Variants in MAF observed in about 807,000 individuals in gnomAD.
MAF encodes MAF bZIP transcription factor, also known as transcription factor Maf.
A neutral mutation model predicts 22.0 loss-of-function variants in MAF; 10 were observed. The observed-to-expected ratio is 0.45, with a 90% CI of 0.28 to 0.77. MAF has a LOEUF of 0.77. MAF is among the 30% of genes least tolerant of loss of function. The pLI is 0.12. For missense variants in MAF, 544 were observed against 548.4 expected, an observed-to-expected ratio of 0.99 and a Z score of 0.08; for synonymous variants, 337 against 255.8, an observed-to-expected ratio of 1.32 and a Z score of -3.03.
the MAF span, among the ~76,000 whole-genome samples, chr16:79,300,811 T>A: frequency 1.3e-5 from 2 of 152,118 alleles, no homozygotes; most frequent in East Asian, 1.9e-4. Flanking sequence ...TCAGTTTTTT[T>A]ATTGTTTTTA....
the MAF span, among the ~76,000 whole-genome samples, chr16:79,535,221 A>G: frequency 7.9e-5 from 12 of 152,272 alleles, no homozygotes; most frequent in Non-Finnish European, 1.8e-4. Context: ...CCCTAGAGAC[A>G]GATGTAGACA....
chr16:79,319,890 G>T, the MAF span, among the ~76,000 whole-genome samples: 1 of 152,206 alleles, frequency 6.6e-6, no homozygotes, highest in Non-Finnish European at 1.5e-5. Flanking sequence ...GCGACTGTTT[G>T]ATCAGGATGG....
chr16:79,509,215 C>A, the MAF span, among the ~76,000 whole-genome samples: 33 of 152,258 alleles, frequency 2.2e-4, no homozygotes, highest in African/African-American at 7.9e-4. Flanking sequence ...GCATTCTAAG[C>A]AGAAGCAGAA....
the MAF span, among the ~76,000 whole-genome samples, chr16:79,425,302 T>C: frequency 6.6e-6 from 1 of 152,194 alleles, no homozygotes; most frequent in African/African-American, 2.4e-5. Context: ...ATGTCTTTTT[T>C]TTATTTTTAA....
chr16:79,394,585 T>A, the MAF span, among the ~76,000 whole-genome samples: 4 of 152,212 alleles, frequency 2.6e-5, no homozygotes, highest in African/African-American at 9.7e-5. Flanking sequence ...GTTCAGTCCC[T>A]CATCTTTAAA....
the MAF span, among the ~76,000 whole-genome samples, chr16:79,403,610 C>A: frequency 6.6e-6 from 1 of 152,178 alleles, no homozygotes; most frequent in African/African-American, 2.4e-5. Flanking sequence ...AGGGGCCTTG[C>A]CTGACCCACG....
chr16:79,389,752 G>A, the MAF span, among the ~76,000 whole-genome samples: 3 of 151,900 alleles, frequency 2.0e-5, no homozygotes, highest in East Asian at 1.9e-4. Context: ...CGACGCGGGC[G>A]GATCACGAGG....
the MAF span, among the ~76,000 whole-genome samples, chr16:79,557,365 A>G: frequency 1.1e-4 from 16 of 152,170 alleles, no homozygotes; most frequent in Non-Finnish European, 4.4e-5. Context: ...TGATCCTGTC[A>G]CAGAATTTTC....
At chr16:79,260,200 G>C in the MAF span, among the ~76,000 whole-genome samples, 1 of 152,188 alleles carries the variant, frequency 6.6e-6, no homozygotes, top group Non-Finnish European at 1.5e-5. Flanking sequence ...GCCCAGGCTG[G>C]AGTGCAGTGG....
chr16:79,208,355 C>T, the MAF span, among the ~76,000 whole-genome samples: 9 of 149,296 alleles, frequency 6.0e-5, no homozygotes, highest in East Asian at 3.9e-4. Context: ...ATACAACCTA[C>T]AGGCTTCTGA....
the MAF span, among the ~76,000 whole-genome samples, chr16:79,536,460 T>C: frequency 6.6e-6 from 1 of 152,144 alleles, no homozygotes; most frequent in African/African-American, 2.4e-5. Flanking sequence ...CTGGCTAATA[T>C]GGTGAAACCC....
the MAF span, among the ~76,000 whole-genome samples, chr16:79,454,137 G>T: frequency 6.6e-6 from 1 of 152,168 alleles, no homozygotes; most frequent in Non-Finnish European, 1.5e-5. Flanking sequence ...TTTTAGGGAT[G>T]AATACATTAA....
At chr16:79,302,781 C>T in the MAF span, among the ~76,000 whole-genome samples, 1 of 152,244 alleles carries the variant, frequency 6.6e-6, no homozygotes, top group Non-Finnish European at 1.5e-5. Context: ...ACCTTGGCGA[C>T]AGTCATCCAC....
the MAF span, among the ~76,000 whole-genome samples, chr16:79,253,904 C>G: frequency 6.6e-6 from 1 of 152,194 alleles, no homozygotes; most frequent in Non-Finnish European, 1.5e-5. Flanking sequence ...CAGCCCCTAC[C>G]TAAATTAGTT....
the MAF span, among the ~76,000 whole-genome samples, chr16:79,234,562 A>T: frequency 6.6e-6 from 1 of 152,212 alleles, no homozygotes; most frequent in South Asian, 2.1e-4. Flanking sequence ...CATCTATAAA[A>T]GCAACCCATT....
chr16:79,209,246 T>C, the MAF span, among the ~76,000 whole-genome samples: 2 of 152,156 alleles, frequency 1.3e-5, no homozygotes, highest in Non-Finnish European at 2.9e-5. Context: ...AAGGAAAAGG[T>C]AGGTCCCCAG....
At chr16:79,389,891 G>T in the MAF span, among the ~76,000 whole-genome samples, 15 of 147,544 alleles carry the variant, frequency 1.0e-4, no homozygotes, top group Non-Finnish European at 1.8e-4. Flanking sequence ...CAGGAGAATG[G>T]CGTGAACCTG....
At chr16:79,212,761 G>A in the MAF span, 9 of 152,026 alleles carry the variant, frequency 5.9e-5, no homozygotes, top group East Asian at 1.9e-4. Context: ...AAAATAAAGC[G>A]CTTCTAATAA....
chr16:79,369,258 A>G, the MAF span, among the ~76,000 whole-genome samples: 65 of 152,272 alleles, frequency 4.3e-4, 1 homozygote, highest in East Asian at 0.011. Flanking sequence ...AGCCTTCCCT[A>G]TGTGCTGGGA....
Sources: gnomAD v4.1 joint callset for allele counts (sites outside exome capture counted in the v4.1 genomes callset) on GRCh38, gnomAD v4.1.1 for gene constraint, MANE v1.5 for transcripts, NCBI Gene and HGNC (gene_info 2026-07-23, HGNC 2026-07-21) for gene names.